PCDH15: variants seen among roughly 807,000 people sequenced by gnomAD.
PCDH15 encodes protocadherin-15.
Under a neutral mutation model 178.5 loss-of-function variants are expected in PCDH15, and 129 were observed. The observed-to-expected ratio is 0.72, with a 90% CI of 0.63 to 0.84. PCDH15 has a LOEUF of 0.84. Among genes scored for constraint, PCDH15 ranks in the 40% least tolerant of loss-of-function variants. The pLI is 0.00. For missense variants in PCDH15, 2,230 were observed against 2,099.9 expected (o/e 1.06, Z -1.21); for synonymous variants, 800 against 732.0 (o/e 1.09, Z -1.50).
chr10:54,309,073 C>T (rs2060730800), intron 8 of PCDH15, among the ~76,000 whole-genome samples: 1 of 151,850 alleles, frequency 6.6e-6, no homozygotes, highest in African/African-American at 2.4e-5. Flanking sequence ...AAAACATATC[C>T]ACAGAAAAAA....
At chr10:54,068,891 A>G (rs1441528728) in intron 17 of PCDH15, among the ~76,000 whole-genome samples, 1 of 151,464 alleles carries the variant, frequency 6.6e-6, no homozygotes, top group Non-Finnish European at 1.5e-5. Flanking sequence ...ATGCACACAC[A>G]CAAACATACA....
chr10:55,290,353 A>G (rs1842977752), intron 1 of PCDH15, among the ~76,000 whole-genome samples: 1 of 152,120 alleles, frequency 6.6e-6, no homozygotes, highest in Non-Finnish European at 1.5e-5. Context: ...GATAATGTTT[A>G]GAGATCACCT....
At chr10:54,294,867 A>G (rs2059646598) in intron 8 of PCDH15, among the ~76,000 whole-genome samples, 1 of 152,196 alleles carries the variant, frequency 6.6e-6, no homozygotes, top group South Asian at 2.1e-4. Context: ...CATAATATAC[A>G]CTGAAACATA....
At chr10:54,930,689 T>C (rs1365634098) in intron 2 of PCDH15, among the ~76,000 whole-genome samples, 1 of 152,186 alleles carries the variant, frequency 6.6e-6, no homozygotes, top group Non-Finnish European at 1.5e-5. Context: ...TATTATATTA[T>C]ATAATGTTTA....
chr10:55,147,412 A>C lies in PCDH15; in HGVS notation c.-80+19164T>G, dbSNP rs116817520. On this transcript the variant is annotated intron_variant, in intron 2 of 5. Transcript: ENST00000458638. ...TAATTCATCAAATATACAATGTTAC[A>C]TCTTATTTTCCATAATTTTTAAAAG... 7.1e-3 allele frequency among the ~76,000 whole-genome samples: 1,080 copies of C among 151,756 alleles called. 20 individuals are homozygous for C. Among genetic ancestry groups the C allele is most frequent in the African/African-American group, 0.024 (1,016 of 41,496 alleles).
At chr10:54,926,193 T>A (rs2131848418) in intron 2 of PCDH15, among the ~76,000 whole-genome samples, 1 of 152,300 alleles carries the variant, frequency 6.6e-6, no homozygotes, top group Admixed American at 6.5e-5. Flanking sequence ...TTTCTGCATC[T>A]ATTGAGATAA....
chr10:55,622,959 A>G (rs1272113241), intron 2 of PCDH15, among the ~76,000 whole-genome samples: 3 of 152,176 alleles, frequency 2.0e-5, no homozygotes, highest in African/African-American at 7.2e-5. Flanking sequence ...GAAATGGCAT[A>G]CCAAGACAGA....
At chr10:55,203,435 T>G (rs1840308544) in intron 1 of PCDH15, among the ~76,000 whole-genome samples, 1 of 152,046 alleles carries the variant, frequency 6.6e-6, no homozygotes, top group Non-Finnish European at 1.5e-5. Context: ...ATTACCCATA[T>G]TTTTAAAGAT....
intron 14 of PCDH15, among the ~76,000 whole-genome samples, chr10:54,135,050 C>A (rs2042786524): frequency 6.6e-6 from 1 of 151,134 alleles, no homozygotes; most frequent in Admixed American, 6.6e-5. Context: ...CTAAAAAACA[C>A]AAAAATTAGC....
chr10:54,087,261 T>C (rs949278990), intron 16 of PCDH15, among the ~76,000 whole-genome samples: 1 of 152,180 alleles, frequency 6.6e-6, no homozygotes, highest in East Asian at 1.9e-4. Context: ...TAATCAATTT[T>C]AGAACATTTT....
chr10:54,982,825 A>G (rs1223083855), intron 2 of PCDH15, among the ~76,000 whole-genome samples: 1 of 152,152 alleles, frequency 6.6e-6, no homozygotes. Context: ...CATTATATTG[A>G]TAATATCTAG....
intron 2 of PCDH15, among the ~76,000 whole-genome samples, chr10:55,354,378 G>A (rs141896126): frequency 2.6e-5 from 4 of 152,020 alleles, no homozygotes; most frequent in South Asian, 2.1e-4. Flanking sequence ...GGGCACAATC[G>A]GACTTAAAGC....
intron 10 of PCDH15, among the ~76,000 whole-genome samples, chr10:54,200,642 C>A (rs564232975): frequency 3.7e-4 from 57 of 152,186 alleles, no homozygotes; most frequent in African/African-American, 1.3e-3. Context: ...TTGCTAAAAG[C>A]AATATTTATT....
intron 1 of PCDH15, among the ~76,000 whole-genome samples, chr10:54,721,503 G>A (rs904790814): frequency 1.3e-5 from 2 of 151,838 alleles, no homozygotes; most frequent in African/African-American, 4.8e-5. Context: ...GAAAGAAAGA[G>A]ATTCAAAGAA....
At chr10:54,075,451 C>T (rs2094324969) in intron 17 of PCDH15, among the ~76,000 whole-genome samples, 1 of 152,046 alleles carries the variant, frequency 6.6e-6, no homozygotes, top group Non-Finnish European at 1.5e-5. Flanking sequence ...AATATTTTCT[C>T]CCATTTTTAT....
chr10:55,326,531 T>C (rs1844035943), intron 2 of PCDH15, among the ~76,000 whole-genome samples: 1 of 151,876 alleles, frequency 6.6e-6, no homozygotes, highest in Non-Finnish European at 1.5e-5. Context: ...TGCACATGTA[T>C]ACATGAACCT....
chr10:54,237,342 T>C (rs1031721040), intron 8 of PCDH15, among the ~76,000 whole-genome samples: 3 of 152,080 alleles, frequency 2.0e-5, no homozygotes, highest in African/African-American at 7.2e-5. Context: ...CATTTTTTAG[T>C]TTCATACACA....
chr10:54,598,193 G>T (rs141737622), intron 2 of PCDH15, among the ~76,000 whole-genome samples: 66 of 151,948 alleles, frequency 4.3e-4, no homozygotes, highest in African/African-American at 1.5e-3. Flanking sequence ...AGAACTTTAG[G>T]CCAATATACT....
At chr10:54,727,477 C>T (rs960108527) in intron 1 of PCDH15, among the ~76,000 whole-genome samples, 5 of 149,144 alleles carry the variant, frequency 3.4e-5, no homozygotes. Context: ...CTAGCACTAA[C>T]TGCCCACATC....
Sources: allele counts gnomAD v4.1 joint callset (sites outside exome capture counted in the v4.1 genomes callset), GRCh38; gene constraint gnomAD v4.1.1; transcripts MANE v1.5; gene names NCBI Gene and HGNC (gene_info 2026-07-23, HGNC 2026-07-21).